OSBPL5: variants seen among roughly 807,000 people sequenced by gnomAD.
OSBPL5 encodes oxysterol-binding protein-related protein 5.
A neutral mutation model predicts 111.2 loss-of-function variants in OSBPL5; 71 were observed. That is an observed-to-expected ratio of 0.64 (90% CI 0.53 to 0.78). OSBPL5 has a LOEUF of 0.78. Ranked by LOEUF, OSBPL5 falls within the 30% of genes least tolerant of loss-of-function variation. OSBPL5 has a pLI of 0.00. For missense variants in OSBPL5, 1,210 were observed against 1,189.3 expected, an observed-to-expected ratio of 1.02 and a Z score of -0.26; for synonymous variants, 549 against 513.9, an observed-to-expected ratio of 1.07 and a Z score of -0.93.
chr11:3,122,185 AG>A lies in OSBPL5; in HGVS notation c.301-88del. 2.9e-6 allele frequency: 4 copies of A among 1,385,624 alleles called. No individual in the cohort carries two copies. In the South Asian group the frequency reaches 3.7e-5, roughly 13 times the overall value. The allele number at this position is 1,385,624 out of a possible 1,614,324, so 85.8% of individuals were successfully genotyped here. A position where few individuals can be genotyped will look rare whatever the true frequency, so the allele number is the denominator to read the frequency against. ...CACCGTCCAGCCCAGGGATGGGTCCAGGGGCAGGGGCAGGAGAGGAAGTAGG... is the reference window on the plus strand; with the variant it reads ...CACCGTCCAGCCCAGGGATGGGTCCAGGGCAGGGGCAGGAGAGGAAGTAGG... On this transcript the variant is annotated intron_variant, in intron 4 of 21. Coordinates refer to ENST00000263650, the MANE Select transcript of OSBPL5 (RefSeq NM_020896.4).
intron 10 of OSBPL5, among the ~76,000 whole-genome samples, chr11:3,103,815 C>CCT (rs1564830414): frequency 1.6e-3 from 58 of 35,354 alleles, no homozygotes; most frequent in African/African-American, 3.0e-3. Flanking sequence ...CCTCTTCCTG[C>CCT]CTGCGCAGCC....
Position 3,149,507 on chromosome 11 carries a change from G to T in OSBPL5, c.-22+15709C>A, listed in dbSNP as rs186468416. Among the ~76,000 whole-genome samples the T allele has an allele frequency of 3.3e-5, 5 of 152,358 alleles. No homozygotes were observed. The East Asian group carries it at 9.6e-4, about 29-fold the overall frequency. On this transcript the variant is annotated intron_variant, in intron 1 of 21. Coordinates refer to ENST00000263650, the MANE Select transcript of OSBPL5 (RefSeq NM_020896.4). ...GCTTGCCGCTCCATGAGCTTCCCCTGCCCATGTGTGCCTGTGGCAGGGGTG... is the reference window on the plus strand; with the variant it reads ...GCTTGCCGCTCCATGAGCTTCCCCTTCCCATGTGTGCCTGTGGCAGGGGTG...
chr11:3,126,199 G>T lies in OSBPL5; in HGVS notation c.219+274C>A, dbSNP rs1161434214. Among the ~76,000 whole-genome samples, 2 of 152,158 alleles carry T rather than the reference G, an allele frequency of 1.3e-5. No homozygotes were observed. The highest frequency in any genetic ancestry group is 2.9e-5 in the Non-Finnish European group (2 of 68,030). Reference sequence around the variant, plus strand: ...GACCTAGCAATTCCAATTACTCTAGGTTTATACCTGAGAGAACTGAAAACT... The same window carrying T: ...GACCTAGCAATTCCAATTACTCTAGTTTTATACCTGAGAGAACTGAAAACT... On this transcript the variant is annotated intron_variant, in intron 3 of 21. Transcript: ENST00000263650. The surrounding 1 kb of genome is among the most constrained non-coding windows in gnomAD (Gnocchi z 6.5).
intron 12 of OSBPL5, among the ~76,000 whole-genome samples, 161 bp from the exon 13 acceptor site, chr11:3,101,860 C>A (rs564601734): frequency 1.3e-5 from 2 of 152,304 alleles, no homozygotes; most frequent in Middle Eastern, 6.8e-3. Context: ...TCGCTTACGA[C>A]GCCCAGGGCA....
At chr11:3,112,029 G>GTGTGCA (rs1564837322) in intron 7 of OSBPL5, among the ~76,000 whole-genome samples, 1 of 108,982 alleles carries the variant, frequency 9.2e-6, no homozygotes, top group Non-Finnish European at 1.9e-5. Flanking sequence ...GTGTGCATGT[G>GTGTGCA]TGTGTATGTG....
In OSBPL5 at chr11:3,103,134, G is replaced by A; in HGVS notation, c.1326+105C>T. ...TGACCAGGATCCTTCTAAGCCATGT[G>A]GGGTAGGGGGTGGCCCGGGGACTCA... On this transcript the variant is annotated intron_variant, in intron 11 of 21. Transcript: ENST00000263650. The A allele has an allele frequency of 1.3e-5, 13 of 965,876 alleles. No homozygotes were observed. In the South Asian group the frequency reaches 2.0e-4, roughly 15 times the overall value. 59.8% of individuals were successfully genotyped at this position (965,876 alleles called of 1,614,324 possible).
At position 3,122,234 on chromosome 11, in the gene OSBPL5, G is replaced by A. The variant is rs561500327; in HGVS notation, c.300+114C>T. ...AGGAGGAAGTAGGGGGTGTGGAGGCGACCAGGTGCGGTTTGTCCCCTCCTT... is the reference window on the plus strand; with the variant it reads ...AGGAGGAAGTAGGGGGTGTGGAGGCAACCAGGTGCGGTTTGTCCCCTCCTT... On this transcript the variant is annotated intron_variant, in intron 4 of 21. Transcript: ENST00000263650. 2.4e-3 allele frequency: 3,185 copies of A among 1,342,714 alleles called. 6 individuals are homozygous for A. Among genetic ancestry groups the A allele is most frequent in the Middle Eastern group, 6.7e-3 (27 of 4,032 alleles). The allele number at this position is 1,342,714 out of a possible 1,614,324, so 83.2% of individuals were successfully genotyped here.
At chr11:3,152,616 C>T (rs1231360851) in intron 1 of OSBPL5, among the ~76,000 whole-genome samples, 2 of 152,176 alleles carry the variant, frequency 1.3e-5, no homozygotes, top group African/African-American at 2.4e-5. Flanking sequence ...GCGATGGGCT[C>T]GGGCTCAGGC....
rs952416915 is a variant in OSBPL5 at position 3,149,321 on chromosome 11, G to A, written c.-22+15895C>T. On this transcript the variant is annotated intron_variant, in intron 1 of 21. Coordinates refer to ENST00000263650, the MANE Select transcript of OSBPL5 (RefSeq NM_020896.4). Reference sequence around the variant, plus strand: ...ACAGGCATGGGCTGGGGGGGCAGTCGCCCTTTGGGAGACCTCCCAGCACCC... The same window carrying A: ...ACAGGCATGGGCTGGGGGGGCAGTCACCCTTTGGGAGACCTCCCAGCACCC... Among the ~76,000 whole-genome samples, 29 of 152,346 alleles carry A rather than the reference G, an allele frequency of 1.9e-4. 1 individual carries two copies. The Middle Eastern group carries it at 0.017, about 89-fold the overall frequency.
At chr11:3,119,127 A>G (rs993036246) in intron 7 of OSBPL5, among the ~76,000 whole-genome samples, 5 of 151,866 alleles carry the variant, frequency 3.3e-5, no homozygotes, top group Middle Eastern at 3.4e-3. Flanking sequence ...CTCCTGTCTC[A>G]GTCTCCCGAG....
At chr11:3,100,316 C>T in intron 13 of OSBPL5, 60 bp from the exon 14 acceptor site, 1 of 1,471,608 alleles carries the variant, frequency 6.8e-7, no homozygotes, top group Non-Finnish European at 9.4e-7. Flanking sequence ...CATCTGAGGC[C>T]ACCCCTAAGT....
At chr11:3,153,816 G>A (rs1846664773) in intron 1 of OSBPL5, among the ~76,000 whole-genome samples, 1 of 152,250 alleles carries the variant, frequency 6.6e-6, no homozygotes, top group African/African-American at 2.4e-5. Flanking sequence ...TGCGGGTGAC[G>A]GGTGGGTGTC....
Position 3,104,659 on chromosome 11 carries a change from T to C in OSBPL5, c.1060-282A>G, listed in dbSNP as rs1337707470. Reference sequence around the variant, plus strand: ...ACCCCATGCCCTGCCCTCCTCAAAGTCCAGGGTGCAGCCTCCCAACACCTG... The same window carrying C: ...ACCCCATGCCCTGCCCTCCTCAAAGCCCAGGGTGCAGCCTCCCAACACCTG... On this transcript the variant is annotated intron_variant, in intron 9 of 21. Transcript: ENST00000263650. This position sits in a 1 kb window ranked among gnomAD's most constrained non-coding sequence, Gnocchi z 5.0. 2.6e-5 allele frequency among the ~76,000 whole-genome samples: 4 copies of C among 152,064 alleles called. No homozygotes were observed. Among genetic ancestry groups the C allele is most frequent in the African/African-American group, 9.7e-5 (4 of 41,420 alleles).
chr11:3,100,177 C>T lies in OSBPL5; in HGVS notation c.1602G>A (p.Met534Ile), dbSNP rs569160467. The T allele has an allele frequency of 2.5e-6, 4 of 1,614,140 alleles. No homozygotes were observed. The highest frequency in any genetic ancestry group is 2.2e-5 in the East Asian group (1 of 44,884). Residue 534 changes from methionine to isoleucine, a missense_variant, in exon 14 of 22, where the codon ATG (methionine) becomes ATA (isoleucine). Transcript: ENST00000263650. The stretch of plus-strand genomic sequence containing the variant: ...TCTCACCTTTGCAGTGGGCGTAGGG[C>T]ATGGTAAGGGTGTAATCCTCGGCTC... ...LNRAEDYTLT[M>I]PYAHCKGILY...
At chr11:3,096,337 G>A (rs1052290724) in intron 14 of OSBPL5, among the ~76,000 whole-genome samples, 13 of 152,162 alleles carry the variant, frequency 8.5e-5, no homozygotes, top group Admixed American at 5.2e-4. Context: ...GGGAAATCCC[G>A]GCCTGGCGTG....
intron 6 of OSBPL5, 50 bp downstream of exon 6, chr11:3,120,371 C>T (rs1336789599): frequency 6.4e-7 from 1 of 1,566,460 alleles, no homozygotes; most frequent in African/African-American, 1.4e-5. Context: ...TAGGAATGAG[C>T]CCCTTGGCCC....
At position 3,122,333 on chromosome 11, in the gene OSBPL5, C is replaced by T. The variant is rs752029381; in HGVS notation, c.300+15G>A. The T allele has an allele frequency of 3.0e-5, 48 of 1,610,516 alleles. No homozygotes were observed. The highest frequency in any genetic ancestry group is 1.3e-4 in the South Asian group (12 of 90,544). ...GACAGTGACACTGCTGCACCCTCCC[C>T]GGGCCCGGGCTCACCTTGAGAGTCT... is the stretch of plus-strand genomic sequence containing the variant. On this transcript the variant is annotated intron_variant, in intron 4 of 21. Transcript: ENST00000263650.
intron 1 of OSBPL5, among the ~76,000 whole-genome samples, chr11:3,145,709 T>G (rs1291875672): frequency 1.3e-5 from 2 of 152,080 alleles, no homozygotes; most frequent in Non-Finnish European, 2.9e-5. Flanking sequence ...CAGCGAGGCA[T>G]TTACAGCCCC....
intron 1 of OSBPL5, chr11:3,160,863 T>A (rs1163620751): frequency 6.6e-6 from 1 of 152,068 alleles, no homozygotes; most frequent in East Asian, 1.9e-4. Flanking sequence ...CTCTGTGCTG[T>A]CCCCCAGCGT....
Sources: gnomAD v4.1 joint callset for allele counts (sites outside exome capture counted in the v4.1 genomes callset) on GRCh38, gnomAD v4.1.1 for gene constraint, Gnocchi (gnomAD v3.1) non-coding constraint, MANE v1.5 for transcripts, NCBI Gene and HGNC (gene_info 2026-07-23, HGNC 2026-07-21) for gene names.